The following MAST4 variants were observed in gnomAD, a reference collection of about 807,000 sequenced individuals.
MAST4 encodes microtubule associated serine/threonine kinase family member 4, also known as microtubule-associated serine/threonine-protein kinase 4.
Under a neutral mutation model 162.7 loss-of-function variants are expected in MAST4, and 89 were observed. The ratio of observed to expected loss-of-function variants is 0.55; its 90% CI spans 0.46 to 0.65. MAST4 has a LOEUF of 0.65. Ranked by LOEUF, MAST4 falls within the 30% of genes least tolerant of loss-of-function variation. The pLI, the probability that MAST4 is intolerant of heterozygous loss-of-function variation, is 0.00. For synonymous variants in MAST4, 1,479 were observed against 1,361.1 expected, an observed-to-expected ratio of 1.09 and a Z score of -1.91; for missense variants, 3,153 against 3,374.0, an observed-to-expected ratio of 0.93 and a Z score of 1.62.
chr5:67,138,273 G>C (rs1769922759), intron 19 of MAST4, among the ~76,000 whole-genome samples: 1 of 152,198 alleles, frequency 6.6e-6, no homozygotes, highest in African/African-American at 2.4e-5. Context: ...ATTTCCTCCA[G>C]AGTCATCTGC....
At chr5:66,657,661 G>T (rs1429736290) in intron 1 of MAST4, among the ~76,000 whole-genome samples, 4 of 152,188 alleles carry the variant, frequency 2.6e-5, no homozygotes, top group Non-Finnish European at 5.9e-5. Flanking sequence ...AGTAATATCA[G>T]CAAGGGAAGT....
At position 66,596,731 on chromosome 5, in the gene MAST4, T is replaced by G; in HGVS notation, c.76T>G (p.Ser26Ala). 7.1e-7 allele frequency: 1 copy of G among 1,414,742 alleles called. No individual in the cohort carries two copies. 87.6% of individuals were successfully genotyped at this position (1,414,742 alleles called of 1,614,324 possible). The part of the protein sequence containing the change: ...CSGHGSRTPA[S>A]ALVAASSPGA... ...TGGCCACGGCAGCCGGACTCCAGCCTCTGCGCTGGTCGCCGCGTCCTCTCC... is the reference window on the plus strand; with the variant it reads ...TGGCCACGGCAGCCGGACTCCAGCCGCTGCGCTGGTCGCCGCGTCCTCTCC... The change falls in exon 1 of 29, where the codon TCT becomes GCT. Residue 26 changes from serine to alanine, a missense_variant. Transcript: ENST00000403625.
intron 21 of MAST4, 100 bp downstream of exon 21, chr5:67,142,633 G>A: frequency 1.3e-6 from 1 of 787,800 alleles, no homozygotes; most frequent in Non-Finnish European, 2.1e-6. Context: ...GTTTTCCAGG[G>A]TTTGAGGTCT....
chr5:67,025,975 A>G (rs1332614975), intron 4 of MAST4, among the ~76,000 whole-genome samples: 4 of 152,142 alleles, frequency 2.6e-5, no homozygotes, highest in Admixed American at 2.6e-4. Context: ...ATGTATAAAG[A>G]TTGTGTACTG....
intron 4 of MAST4, among the ~76,000 whole-genome samples, chr5:66,916,357 C>T (rs570912475): frequency 6.6e-6 from 1 of 152,108 alleles, no homozygotes; most frequent in Admixed American, 6.5e-5. Flanking sequence ...AAGCAAGTAG[C>T]CCCAAATGAA....
intron 3 of MAST4, among the ~76,000 whole-genome samples, chr5:66,830,891 A>G (rs1188866315): frequency 6.6e-6 from 1 of 152,236 alleles, no homozygotes; most frequent in Non-Finnish European, 1.5e-5. Flanking sequence ...GAACCTGCCA[A>G]TGAGGTATAC....
intron 3 of MAST4, among the ~76,000 whole-genome samples, chr5:66,896,550 T>G (rs1762696992): frequency 6.6e-6 from 1 of 152,264 alleles, no homozygotes; most frequent in Non-Finnish European, 1.5e-5. Flanking sequence ...CTTCTGTAAA[T>G]GTCCTCTTTT....
chr5:66,833,455 C>A lies in MAST4; in HGVS notation c.642+44661C>A, dbSNP rs12657290. ...CCATATCACTGCCCTGGTGTAAGAT[C>A]CTCCTATGACTTTTCCTGATCTACT... On this transcript the variant is annotated intron_variant, in intron 3 of 28. Coordinates refer to ENST00000403625, the MANE Select transcript of MAST4 (RefSeq NM_001164664.2). Among the ~76,000 whole-genome samples the A allele has an allele frequency of 4.3e-4, 65 of 152,232 alleles. No homozygotes were observed. The East Asian group carries it at 0.012, about 27-fold the overall frequency.
At chr5:67,097,782 T>C (rs2434591) in intron 7 of MAST4, among the ~76,000 whole-genome samples, 58,824 of 151,986 alleles carry the variant, frequency 0.39, 13,862 homozygotes, top group African/African-American at 0.67. Flanking sequence ...CTTTTGCCAA[T>C]AGAGAGAAGG....
rs1376573156 is a variant in MAST4 at position 67,062,484 on chromosome 5, TCAG to T, written c.763+7996_763+7998del. Among the ~76,000 whole-genome samples, 4 of 152,338 alleles carry T rather than the reference TCAG, an allele frequency of 2.6e-5. No individual in the cohort carries two copies. The East Asian group carries it at 7.7e-4, about 29-fold the overall frequency. On this transcript the variant is annotated intron_variant, in intron 5 of 28. Coordinates refer to ENST00000403625, the MANE Select transcript of MAST4 (RefSeq NM_001164664.2). ...TTTTGTGACTTTCATTCAAAAGCCT[TCAG>T]CAGATTTTCCATGCTTGAAATATTA...
At chr5:66,948,937 A>AC (rs768828980) in intron 4 of MAST4, among the ~76,000 whole-genome samples, 94 of 151,756 alleles carry the variant, frequency 6.2e-4, no homozygotes, top group Admixed American at 1.2e-3. Flanking sequence ...TTTAATTCAC[A>AC]CCCCCCCAAC....
At chr5:66,678,955 G>C (rs1165573311) in intron 1 of MAST4, among the ~76,000 whole-genome samples, 2 of 152,060 alleles carry the variant, frequency 1.3e-5, no homozygotes, top group African/African-American at 4.8e-5. Flanking sequence ...CCATACCCTG[G>C]TAATTTTTGT....
At position 67,162,517 on chromosome 5, in the gene MAST4, C is replaced by T. The variant is rs371052188; in HGVS notation, c.3786-90C>T. The T allele has an allele frequency of 8.2e-4, 967 of 1,180,046 alleles. 7 individuals carry two copies. The highest frequency in any genetic ancestry group is 4.7e-3 in the South Asian group (333 of 71,222). The allele number at this position is 1,180,046 out of a possible 1,614,324, so 73.1% of individuals were successfully genotyped here. On this transcript the variant is annotated intron_variant, in intron 27 of 28. Coordinates refer to ENST00000403625, the MANE Select transcript of MAST4 (RefSeq NM_001164664.2). ...TGCTGTTGTATCCCTGTCCCTCACA[C>T]GGAGTTATTGAGCTGAGCACAATGG...
intron 3 of MAST4, among the ~76,000 whole-genome samples, chr5:66,796,770 C>T (rs376546811): frequency 1.8e-4 from 28 of 152,264 alleles, no homozygotes; most frequent in African/African-American, 5.8e-4. Flanking sequence ...TTTAGGAGGT[C>T]GACAGCTTGT....
chr5:67,048,198 G>A (rs1757611024), intron 4 of MAST4, among the ~76,000 whole-genome samples: 1 of 152,008 alleles, frequency 6.6e-6, no homozygotes, highest in Non-Finnish European at 1.5e-5. Context: ...CTTTAATGTT[G>A]CAAAGAGGAA....
At chr5:67,161,387 A>G (rs565933236) in intron 27 of MAST4, among the ~76,000 whole-genome samples, 1 of 152,364 alleles carries the variant, frequency 6.6e-6, no homozygotes, top group African/African-American at 2.4e-5. Context: ...GCTGTGAACA[A>G]TATTTATAAT....
At chr5:66,917,770 C>T (rs1764216501) in intron 4 of MAST4, among the ~76,000 whole-genome samples, 1 of 152,080 alleles carries the variant, frequency 6.6e-6, no homozygotes, top group African/African-American at 2.4e-5. Context: ...TGTGCCAACA[C>T]CATTCTGTTT....
At chr5:66,842,011 A>G (rs1758464197) in intron 3 of MAST4, among the ~76,000 whole-genome samples, 1 of 152,182 alleles carries the variant, frequency 6.6e-6, no homozygotes, top group Admixed American at 6.5e-5. Context: ...GAAGGCAGGA[A>G]TTGAAGGAAC....
Position 67,169,148 on chromosome 5 carries a change from T to C in MAST4, c.*2097T>C, listed in dbSNP as rs1043400249. On this transcript the variant is annotated 3_prime_UTR_variant, in exon 29 of 29. Coordinates refer to ENST00000403625, the MANE Select transcript of MAST4 (RefSeq NM_001164664.2). ...AGTCTGTCGGGGAGGTAGTTCATGGTTTACAAGCCTTTGCTTTTTAACTGT... is the reference window on the plus strand; with the variant it reads ...AGTCTGTCGGGGAGGTAGTTCATGGCTTACAAGCCTTTGCTTTTTAACTGT... 2.4e-4 allele frequency: 36 copies of C among 152,348 alleles called. No individual in the cohort carries two copies. The highest frequency in any genetic ancestry group is 8.4e-4 in the African/African-American group (35 of 41,580). 9.4% of individuals were successfully genotyped at this position (152,348 alleles called of 1,614,324 possible). A position where few individuals can be genotyped will look rare whatever the true frequency, so the allele number is the denominator to read the frequency against.
Sources: gnomAD v4.1 joint callset for allele counts (sites outside exome capture counted in the v4.1 genomes callset) on GRCh38, gnomAD v4.1.1 for gene constraint, MANE v1.5 for transcripts, NCBI Gene and HGNC (gene_info 2026-07-23, HGNC 2026-07-21) for gene names.